CDK14: variants seen among roughly 807,000 people sequenced by gnomAD.
CDK14 encodes the protein cyclin-dependent kinase 14.
Under a neutral mutation model 60.7 loss-of-function variants are expected in CDK14, and 34 were observed. That is an observed-to-expected ratio of 0.56 (90% confidence interval 0.43 to 0.75). CDK14 has a LOEUF of 0.75. Among genes scored for constraint, CDK14 ranks in the 30% least tolerant of loss-of-function variants. The pLI, the probability that CDK14 is intolerant of heterozygous loss-of-function variation, is 0.00. For missense variants in CDK14, 482 were observed against 564.1 expected (o/e 0.85, Z 1.47); for synonymous variants, 197 against 203.7 (o/e 0.97, Z 0.28).
chr7:91,184,113 G>A (rs1377076445), intron 14 of CDK14, among the ~76,000 whole-genome samples: 1 of 147,180 alleles, frequency 6.8e-6, no homozygotes, highest in Non-Finnish European at 1.5e-5. Context: ...ATTGAGGCAG[G>A]AGAATCACTT....
rs144206103 is a variant in CDK14, at chr7:91,024,865, A to G, written c.1042-21032A>G. ...TTTGATAGGTTGTCTTTAGTATGTG[A>G]TGTGATTATTTACCCTCTTCAGAGC... On this transcript the variant is annotated intron_variant, in intron 10 of 14. Coordinates refer to ENST00000380050, the MANE Select transcript of CDK14 (RefSeq NM_001287135.2). 1.5e-4 allele frequency among the ~76,000 whole-genome samples: 23 copies of G among 152,214 alleles called. No individual in the cohort carries two copies. The East Asian group carries it at 4.4e-3, about 29-fold the overall frequency.
At chr7:90,769,452 G>T (rs1382161127) in intron 4 of CDK14, among the ~76,000 whole-genome samples, 1 of 147,520 alleles carries the variant, frequency 6.8e-6, no homozygotes, top group Admixed American at 7.0e-5. Context: ...GCTGACTTCT[G>T]TGATTTCTTT....
intron 4 of CDK14, among the ~76,000 whole-genome samples, chr7:90,770,451 T>C (rs186468960): frequency 1.9e-4 from 29 of 152,336 alleles, no homozygotes; most frequent in Non-Finnish European, 1.2e-4. Context: ...TTTTAACTTC[T>C]TTAGGTGAAC....
chr7:90,813,157 G>T (rs569446883), intron 5 of CDK14, among the ~76,000 whole-genome samples: 4 of 152,220 alleles, frequency 2.6e-5, no homozygotes, highest in South Asian at 2.1e-4. Flanking sequence ...TATACCAAGC[G>T]TATTTTGTTT....
chr7:90,849,136 T>A (rs1311113859), intron 5 of CDK14, among the ~76,000 whole-genome samples: 1 of 152,110 alleles, frequency 6.6e-6, no homozygotes, highest in Non-Finnish European at 1.5e-5. Context: ...GGCGGATCCC[T>A]CATGAATGGC....
Position 90,917,681 on chromosome 7 carries a change from C to T in CDK14, c.783C>T (p.Asn261=), listed in dbSNP as rs139294759. The change falls in exon 8 of 15, where the codon AAC becomes AAT. Residue 261 remains asparagine, a synonymous_variant. Transcript: ENST00000380050. ...YILHRDLKPQ[N]LLISDTGELK... ...TGCACAGAGACCTGAAACCACAGAA[C>T]CTTCTGATCAGTGACACGGGGGAGT... 13 of 1,613,560 alleles carry T rather than the reference C, an allele frequency of 8.1e-6. No individual in the cohort carries two copies. The African/African-American group carries it at 1.6e-4, about 20-fold the overall frequency.
At chr7:91,048,804 C>G (rs1260211688) in intron 11 of CDK14, among the ~76,000 whole-genome samples, 4 of 152,018 alleles carry the variant, frequency 2.6e-5, no homozygotes, top group Admixed American at 1.3e-4. Flanking sequence ...ATTTCCTTTT[C>G]TCTGAATTCT....
chr7:90,968,698 A>G (rs1794828705), intron 9 of CDK14, among the ~76,000 whole-genome samples: 1 of 152,216 alleles, frequency 6.6e-6, no homozygotes, highest in African/African-American at 2.4e-5. Context: ...AACAGATTAA[A>G]AACTTTATTA....
intron 8 of CDK14, among the ~76,000 whole-genome samples, chr7:90,925,338 C>A (rs1482854795): frequency 6.6e-6 from 1 of 152,060 alleles, no homozygotes; most frequent in African/African-American, 2.4e-5. Flanking sequence ...TTAGATCCAG[C>A]CATAGAGTTG....
chr7:90,796,405 A>C (rs1788432545), intron 5 of CDK14, among the ~76,000 whole-genome samples: 1 of 152,186 alleles, frequency 6.6e-6, no homozygotes, highest in African/African-American at 2.4e-5. Flanking sequence ...AGTATTGATT[A>C]CAGATTGAGA....
intron 6 of CDK14, among the ~76,000 whole-genome samples, chr7:90,868,457 G>C (rs1161024026): frequency 1.3e-5 from 2 of 151,872 alleles, no homozygotes; most frequent in African/African-American, 4.8e-5. Context: ...ACAGTCATTT[G>C]CATATCAGTC....
At chr7:90,937,515 ATTG>A (rs1793792266) in intron 8 of CDK14, among the ~76,000 whole-genome samples, 2 of 152,174 alleles carry the variant, frequency 1.3e-5, no homozygotes, top group African/African-American at 4.8e-5. Context: ...CTTGCTATTA[ATTG>A]TTGTTTTTTC....
intron 5 of CDK14, among the ~76,000 whole-genome samples, chr7:90,808,652 A>G (rs1483944981): frequency 6.6e-6 from 1 of 152,166 alleles, no homozygotes; most frequent in African/African-American, 2.4e-5. Context: ...AAATGCTCCA[A>G]TTAAAAGACA....
At chr7:90,945,549 A>T (rs1794076263) in intron 8 of CDK14, among the ~76,000 whole-genome samples, 1 of 152,222 alleles carries the variant, frequency 6.6e-6, no homozygotes, top group Non-Finnish European at 1.5e-5. Context: ...CTTCTAAGGA[A>T]TAACTTAGGC....
intron 8 of CDK14, among the ~76,000 whole-genome samples, chr7:90,921,435 C>A (rs375876777): frequency 6.6e-6 from 1 of 152,234 alleles, no homozygotes; most frequent in African/African-American, 2.4e-5. Context: ...TTCCAGGGCT[C>A]TGACATTATT....
At chr7:90,952,335 C>T (rs1794287976) in intron 8 of CDK14, among the ~76,000 whole-genome samples, 1 of 152,082 alleles carries the variant, frequency 6.6e-6, no homozygotes, top group Admixed American at 6.6e-5. Flanking sequence ...AGATAACCAT[C>T]TTATAGAGAT....
At chr7:90,909,561 T>TATAA (rs371871178) in intron 7 of CDK14, among the ~76,000 whole-genome samples, 1 of 152,006 alleles carries the variant, frequency 6.6e-6, no homozygotes, top group East Asian at 1.9e-4. Context: ...TCACTTGACT[T>TATAA]ATTATAAGTC....
chr7:91,035,905 G>T lies in CDK14; in HGVS notation c.1042-9992G>T, dbSNP rs1172639987. On this transcript the variant is annotated intron_variant, in intron 10 of 14. Transcript: ENST00000380050. ...AGGCCGGACTGCGGACTGCAGTGGCGCAATCTCGGCTCACTGCAAGCTCTG... is the reference window on the plus strand; with the variant it reads ...AGGCCGGACTGCGGACTGCAGTGGCTCAATCTCGGCTCACTGCAAGCTCTG... Among the ~76,000 whole-genome samples the T allele has an allele frequency of 2.8e-5, 4 of 143,870 alleles. No individual in the cohort carries two copies. In the East Asian group the frequency reaches 6.9e-4, roughly 25 times the overall value. The allele number at this position is 143,870 out of a possible 152,430, so 94.4% of individuals were successfully genotyped here.
chr7:91,025,007 G>A (rs1328789768), intron 10 of CDK14, among the ~76,000 whole-genome samples: 1 of 152,158 alleles, frequency 6.6e-6, no homozygotes, highest in Admixed American at 6.5e-5. Context: ...TAATTTTGAA[G>A]TAATTTAGGA....
Sources: gnomAD v4.1 joint callset for allele counts (sites outside exome capture counted in the v4.1 genomes callset) on GRCh38, gnomAD v4.1.1 for gene constraint, MANE v1.5 for transcripts, NCBI Gene and HGNC (gene_info 2026-07-23, HGNC 2026-07-21) for gene names.